DYNC2LI1: variants seen among roughly 807,000 people sequenced by gnomAD.
DYNC2LI1 encodes the protein cytoplasmic dynein 2 light intermediate chain 1.
A neutral mutation model predicts 51.9 loss-of-function variants in DYNC2LI1; 45 were observed. That is an observed-to-expected ratio of 0.87 (90% confidence interval 0.68 to 1.11). The LOEUF (loss-of-function observed/expected upper bound fraction) is 1.11. Among genes scored for constraint, DYNC2LI1 ranks in the 50% most tolerant of loss-of-function variants. The pLI is 0.00. For synonymous variants in DYNC2LI1, 130 were observed against 137.8 expected (o/e 0.94, Z 0.40); for missense variants, 490 against 417.4 (o/e 1.17, Z -1.51).
chr2:43,783,897 A>T (rs1673401916), intron 3 of DYNC2LI1, among the ~76,000 whole-genome samples: 1 of 152,146 alleles, frequency 6.6e-6, no homozygotes. Flanking sequence ...ATTCATTGTA[A>T]GCTTTAGTTG....
chr2:43,828,023 C>G, the DYNC2LI1 span: 1 of 1,614,122 alleles, frequency 6.2e-7, no homozygotes, highest in South Asian at 1.1e-5. Context: ...AGACCCGGCG[C>G]CGCTCACCCG....
At chr2:43,810,262 G>A, downstream of DYNC2LI1, 2 of 702,514 alleles carry the variant, frequency 2.8e-6, no homozygotes, top group Non-Finnish European at 3.5e-6. Context: ...ACATTCCCAG[G>A]TCCCCACACC....
intron 5 of DYNC2LI1, among the ~76,000 whole-genome samples, chr2:43,789,936 T>G (rs757886536): frequency 2.0e-5 from 3 of 151,966 alleles, no homozygotes; most frequent in Admixed American, 6.6e-5. Flanking sequence ...TAGCTGACAT[T>G]CCCCCCAGTA....
At chr2:43,805,030 G>A (rs1352083424) in intron 11 of DYNC2LI1, 124 bp from the exon 12 acceptor site, 2 of 630,188 alleles carry the variant, frequency 3.2e-6, no homozygotes, top group Non-Finnish European at 5.5e-6. Flanking sequence ...GATGAGAAAA[G>A]CTAGAAAGAT....
chr2:43,792,690 C>T (rs934895919), intron 5 of DYNC2LI1: 14 of 1,547,026 alleles, frequency 9.0e-6, no homozygotes, highest in Middle Eastern at 1.7e-4. Context: ...TGGCAACTAT[C>T]ATCCCTACTG....
chr2:43,809,627 A>G (rs1321596288), intron 12 of DYNC2LI1, 78 bp from the exon 13 acceptor site: 3 of 931,116 alleles, frequency 3.2e-6, no homozygotes, highest in Non-Finnish European at 5.1e-6. Context: ...TATCTAAAAA[A>G]TGAGAAGGCA....
At chr2:43,818,896 C>G in the DYNC2LI1 span, among the ~76,000 whole-genome samples, 1 of 152,024 alleles carries the variant, frequency 6.6e-6, no homozygotes. Context: ...AATGAGGAAA[C>G]TAATTTAGAT....
At chr2:43,823,007 G>C in the DYNC2LI1 span, 3 of 1,586,058 alleles carry the variant, frequency 1.9e-6, no homozygotes, top group Non-Finnish European at 2.6e-6. Flanking sequence ...AGCCCAAGCT[G>C]AATGTGAGGT....
chr2:43,776,738 G>C (rs772277257), intron 1 of DYNC2LI1, 44 bp from the exon 2 acceptor site: 1 of 854,366 alleles, frequency 1.2e-6, no homozygotes, highest in African/African-American at 1.8e-5. Context: ...ATATTTGAAA[G>C]AATTCTTTTT....
At chr2:43,824,003 G>A in the DYNC2LI1 span, 1 of 1,614,184 alleles carries the variant, frequency 6.2e-7, no homozygotes, top group Non-Finnish European at 8.5e-7. Flanking sequence ...GCACCCTTTA[G>A]CACATTGCTT....
At chr2:43,775,853 A>ATTTTT in intron 1 of DYNC2LI1, 1 of 96,138 alleles carries the variant, frequency 1.0e-5, no homozygotes. Context: ...ACACCTGGCC[A>ATTTTT]ATTTTTTTTT....
chr2:43,818,838 A>G, the DYNC2LI1 span, among the ~76,000 whole-genome samples: 1 of 152,160 alleles, frequency 6.6e-6, no homozygotes, highest in African/African-American at 2.4e-5. Flanking sequence ...GTTCCTTCTC[A>G]TGATCCCTTG....
At chr2:43,827,997 A>G in the DYNC2LI1 span, 1 of 1,614,126 alleles carries the variant, frequency 6.2e-7, no homozygotes. Context: ...ATCCTGGAGC[A>G]GCTGGGCTGC....
At chr2:43,780,452 C>T (rs1189913633) in intron 2 of DYNC2LI1, among the ~76,000 whole-genome samples, 1 of 152,084 alleles carries the variant, frequency 6.6e-6, no homozygotes, top group Non-Finnish European at 1.5e-5. Context: ...TGATACGAGC[C>T]TCTGAGGTTT....
the DYNC2LI1 span, chr2:43,823,891 C>T: frequency 4.5e-5 from 72 of 1,612,358 alleles, no homozygotes; most frequent in African/African-American, 8.4e-4. Flanking sequence ...AAGAGGTGCA[C>T]CTCCAGCACG....
At chr2:43,826,984 G>A in the DYNC2LI1 span, among the ~76,000 whole-genome samples, 34,017 of 152,222 alleles carry the variant, frequency 0.22, 5,179 homozygotes, top group East Asian at 0.81. Flanking sequence ...AGTGTGGCAG[G>A]CATTTGGGTT....
downstream of DYNC2LI1, among the ~76,000 whole-genome samples, chr2:43,811,598 A>G (rs958882278): frequency 1.2e-4 from 18 of 150,138 alleles, no homozygotes; most frequent in Non-Finnish European, 2.7e-4. Flanking sequence ...TTAATACAGA[A>G]CCTTTTTTTT....
intron 3 of DYNC2LI1, among the ~76,000 whole-genome samples, chr2:43,784,493 G>T (rs1381282593): frequency 2.6e-5 from 4 of 151,692 alleles, no homozygotes; most frequent in Admixed American, 1.3e-4. Context: ...AGGCTGGAGT[G>T]CAATGGCGCC....
At chr2:43,791,174 TCATACCACTGTACTCCAGC>T (rs1673765036) in intron 5 of DYNC2LI1, among the ~76,000 whole-genome samples, 2 of 152,150 alleles carry the variant, frequency 1.3e-5, no homozygotes, top group African/African-American at 4.8e-5. Context: ...TAAGCTATGA[TCATACCACTGTACTCCAGC>T]CTGAGTGACA....
Sources: gnomAD v4.1 joint callset for allele counts (sites outside exome capture counted in the v4.1 genomes callset) on GRCh38, gnomAD v4.1.1 for gene constraint, MANE v1.5 for transcripts, NCBI Gene and HGNC (gene_info 2026-07-23, HGNC 2026-07-21) for gene names.